The following ARFGEF1 variants were observed in gnomAD, a reference collection of about 807,000 sequenced individuals.
ARFGEF1 encodes the protein ARF guanine nucleotide exchange factor 1.
ARFGEF1 carries 42 observed loss-of-function variants against 231.0 expected under a neutral mutation model. The observed-to-expected ratio is 0.18, with a 90% CI of 0.14 to 0.24. ARFGEF1 has a LOEUF of 0.24. Among genes scored for constraint, ARFGEF1 ranks in the 10% least tolerant of loss-of-function variants. The pLI is 1.00. For synonymous variants in ARFGEF1, 710 were observed against 732.3 expected, an observed-to-expected ratio of 0.97 and a Z score of 0.49; for missense variants, 1,345 against 2,192.0, an observed-to-expected ratio of 0.61 and a Z score of 7.72.
chr8:67,266,769 A>T, intron 13 of ARFGEF1, 107 bp downstream of exon 13: 1 of 741,948 alleles, frequency 1.3e-6, no homozygotes, highest in Non-Finnish European at 2.1e-6. Flanking sequence ...CTCATCAGTT[A>T]AATGAATAAA....
rs1806873494 is a variant in ARFGEF1, at chr8:67,309,024, T to C, written c.125-6558A>G. Among the ~76,000 whole-genome samples, 4 of 152,240 alleles carry C rather than the reference T, an allele frequency of 2.6e-5. 1 individual carries two copies. In the South Asian group the frequency reaches 8.3e-4, roughly 32 times the overall value. On this transcript the variant is annotated intron_variant, in intron 1 of 38. Transcript: ENST00000262215. ...AGGTGTCCATCATCAGATGAATGGA[T>C]AAAGACAATCTAATAAAATATACAC...
intron 5 of ARFGEF1, among the ~76,000 whole-genome samples, chr8:67,177,406 G>A (rs1831959776): frequency 6.6e-6 from 1 of 152,104 alleles, no homozygotes; most frequent in East Asian, 1.9e-4. Flanking sequence ...GAAGGATCCT[G>A]CATTGATCAT....
rs758687018 is a variant in ARFGEF1 at position 67,218,189 on chromosome 8, A to AT, written c.4339-52dup. 39 of 336,892 alleles carry AT rather than the reference A, an allele frequency of 1.2e-4. 1 individual carries two copies. The African/African-American group carries it at 1.9e-3, about 16-fold the overall frequency. 20.9% of individuals were successfully genotyped at this position (336,892 alleles called of 1,614,324 possible). ...ATCACGCCATTAATCAACTACTATG[A>AT]TTAAAAAAAAAAAAAAAAATATATA... On this transcript the variant is annotated intron_variant, in intron 30 of 38. Coordinates refer to ENST00000262215, the MANE Select transcript of ARFGEF1 (RefSeq NM_006421.5).
chr8:67,185,604 G>A (rs1390814589), intron 5 of ARFGEF1, among the ~76,000 whole-genome samples: 1 of 152,166 alleles, frequency 6.6e-6, no homozygotes, highest in Non-Finnish European at 1.5e-5. Flanking sequence ...TAGTAGCTGT[G>A]GAGGAAGATG....
intron 1 of ARFGEF1, among the ~76,000 whole-genome samples, chr8:67,341,490 G>C (rs1242250349): frequency 1.3e-5 from 2 of 151,732 alleles, no homozygotes; most frequent in Non-Finnish European, 2.9e-5. Flanking sequence ...CCAATTACTT[G>C]GGAGGCTGAG....
At chr8:67,260,466 CT>C (rs1804570163) in intron 14 of ARFGEF1, among the ~76,000 whole-genome samples, 1 of 152,176 alleles carries the variant, frequency 6.6e-6, no homozygotes. Context: ...ACTATTATAT[CT>C]GATACTGTGA....
chr8:67,258,469 C>T (rs1470759121), intron 15 of ARFGEF1, among the ~76,000 whole-genome samples, 179 bp from the exon 16 acceptor site: 4 of 151,934 alleles, frequency 2.6e-5, no homozygotes, highest in African/African-American at 9.7e-5. Flanking sequence ...GGATTAAAGG[C>T]GCCTGCTACT....
downstream of ARFGEF1, chr8:67,173,748 A>AT (rs1830955729): frequency 1.3e-5 from 2 of 152,146 alleles, no homozygotes; most frequent in Admixed American, 1.3e-4. Flanking sequence ...GTATACTGTT[A>AT]TTTTTTATGC....
chr8:67,207,849 C>T (rs1399475148), intron 34 of ARFGEF1, among the ~76,000 whole-genome samples: 10 of 152,178 alleles, frequency 6.6e-5, no homozygotes, highest in Admixed American at 4.6e-4. Context: ...GGATGAACCT[C>T]GCCTAAAAGT....
At chr8:67,184,117 T>C (rs1833767220) in intron 5 of ARFGEF1, among the ~76,000 whole-genome samples, 1 of 152,148 alleles carries the variant, frequency 6.6e-6, no homozygotes, top group Non-Finnish European at 1.5e-5. Context: ...CCTCCCAAAG[T>C]GCTGGGATTA....
intron 1 of ARFGEF1, among the ~76,000 whole-genome samples, chr8:67,332,011 C>T (rs946573081): frequency 6.6e-6 from 1 of 151,998 alleles, no homozygotes; most frequent in South Asian, 2.1e-4. Flanking sequence ...AAAAAAAAAT[C>T]TGTGCAGCAA....
intron 5 of ARFGEF1, among the ~76,000 whole-genome samples, chr8:67,295,073 C>T (rs756768571): frequency 3.3e-5 from 5 of 152,000 alleles, no homozygotes; most frequent in Non-Finnish European, 7.4e-5. Flanking sequence ...GCACACATTA[C>T]AACCATAAAA....
intron 22 of ARFGEF1, among the ~76,000 whole-genome samples, chr8:67,236,363 AAAATATATATAT>A (rs1249860945): frequency 2.7e-4 from 10 of 37,690 alleles, no homozygotes; most frequent in Admixed American, 5.7e-4. Flanking sequence ...AAAAAAAAAA[AAAATATATATAT>A]ATATATATAT....
At chr8:67,316,266 T>C (rs890756718) in intron 1 of ARFGEF1, among the ~76,000 whole-genome samples, 14 of 152,180 alleles carry the variant, frequency 9.2e-5, no homozygotes, top group Admixed American at 5.2e-4. Context: ...ATTAAAGACA[T>C]TGAATTCATA....
chr8:67,259,641 G>A (rs1840576666), intron 15 of ARFGEF1, among the ~76,000 whole-genome samples, 174 bp downstream of exon 15: 2 of 152,322 alleles, frequency 1.3e-5, no homozygotes, highest in Middle Eastern at 3.4e-3. Context: ...GGGGCCAGGC[G>A]TGGTGGCTCA....
At chr8:67,182,650 C>CT (rs1586817688) in intron 5 of ARFGEF1, among the ~76,000 whole-genome samples, 1 of 152,172 alleles carries the variant, frequency 6.6e-6, no homozygotes, top group East Asian at 1.9e-4. Flanking sequence ...ACACTTGTTA[C>CT]TTTGTTTTTT....
intron 10 of ARFGEF1, among the ~76,000 whole-genome samples, chr8:67,271,021 T>C: frequency 1.2e-5 from 1 of 80,830 alleles, no homozygotes; most frequent in Admixed American, 2.0e-4. Context: ...GGAAACTCCA[T>C]CTCCAAAAAA....
intron 9 of ARFGEF1, among the ~76,000 whole-genome samples, chr8:67,274,114 C>A (rs548352676): frequency 6.6e-6 from 1 of 152,172 alleles, no homozygotes; most frequent in South Asian, 2.1e-4. Context: ...AATGATTAGA[C>A]AACTGTCTTA....
rs1451409951 is a variant in ARFGEF1, at chr8:67,236,361, AAAAAATATATATATATATATAT to A, written c.3289+1960_3289+1981del. 3.8e-4 allele frequency among the ~76,000 whole-genome samples: 16 copies of A among 42,078 alleles called. No homozygotes were observed. In the East Asian group the frequency reaches 4.6e-3, roughly 12 times the overall value. 27.6% of individuals were successfully genotyped at this position (42,078 alleles called of 152,430 possible). On this transcript the variant is annotated intron_variant, in intron 22 of 38. Transcript: ENST00000262215. ...AAAAGATATTAGTTAAAAAAAAAAA[AAAAAATATATATATATATATAT>A]ATATATATATATATATATATATATA...
Sources: allele counts gnomAD v4.1 joint callset (sites outside exome capture counted in the v4.1 genomes callset), GRCh38; gene constraint gnomAD v4.1.1; transcripts MANE v1.5; gene names NCBI Gene and HGNC (gene_info 2026-07-23, HGNC 2026-07-21).